Variants in C5orf63 observed in about 807,000 individuals in gnomAD.
The protein encoded by C5orf63 is chromosome 5 open reading frame 63.
Under a neutral mutation model 13.3 loss-of-function variants are expected in C5orf63, and 18 were observed. The observed-to-expected ratio is 1.36, with a 90% CI of 0.94 to 2.01. The LOEUF (loss-of-function observed/expected upper bound fraction) is 2.01, where lower values mean the gene tolerates loss of function less well. Ranked by LOEUF, C5orf63 falls within the 30% of genes most tolerant of loss-of-function variation. The probability of loss-of-function intolerance (pLI) is 0.00; values close to 1 mark genes in which losing one functional copy is unlikely to be tolerated. For synonymous variants in C5orf63, 38 were observed against 44.7 expected (o/e 0.85, Z 0.60); for missense variants, 118 against 127.7 (o/e 0.92, Z 0.36).
At chr5:127,051,128 G>T (rs562062932), downstream of C5orf63, among the ~76,000 whole-genome samples, 1 of 152,296 alleles carries the variant, frequency 6.6e-6, no homozygotes, top group East Asian at 1.9e-4. Context: ...TGAATTCAAT[G>T]ACTGTGTAGA....
At chr5:127,045,788 T>A (rs1753508891) in exon 5 of C5orf63, 1 of 152,258 alleles carries the variant, frequency 6.6e-6, no homozygotes, top group South Asian at 2.1e-4. Flanking sequence ...GATATCTTTA[T>A]TGTCTGTCTC....
At chr5:127,046,769 G>A (rs979510649), downstream of C5orf63, 1 of 152,238 alleles carries the variant, frequency 6.6e-6, no homozygotes, top group African/African-American at 2.4e-5. Context: ...GAATAGAGAA[G>A]CCTGAGAGGC....
intron 3 of C5orf63, among the ~76,000 whole-genome samples, chr5:127,056,918 T>G (rs891643051): frequency 3.9e-5 from 6 of 152,252 alleles, no homozygotes; most frequent in African/African-American, 1.4e-4. Flanking sequence ...CATCTTCTTG[T>G]GTGCCTAATG....
intron 3 of C5orf63, 111 bp downstream of exon 3, chr5:127,058,771 G>A (rs909791278): frequency 3.0e-6 from 2 of 664,468 alleles, no homozygotes; most frequent in Non-Finnish European, 5.1e-6. Flanking sequence ...TAGAAAAATT[G>A]AAGAGCAGGT....
chr5:127,059,728 CAAAAAAAA>C (rs58498141), intron 2 of C5orf63, among the ~76,000 whole-genome samples: 1 of 99,236 alleles, frequency 1.0e-5, no homozygotes, highest in Non-Finnish European at 2.1e-5. Context: ...GATCTTATCT[CAAAAAAAA>C]AAAAAAAGAA....
chr5:127,061,751 G>T (rs1007523364), intron 2 of C5orf63, among the ~76,000 whole-genome samples: 1 of 152,140 alleles, frequency 6.6e-6, no homozygotes, highest in Non-Finnish European at 1.5e-5. Context: ...GTTTACTCTA[G>T]GTAGAAACTT....
Position 127,063,007 on chromosome 5 carries a change from T to TA in C5orf63, c.-7-4006dup, listed in dbSNP as rs199741442. Among the ~76,000 whole-genome samples, 269 of 118,028 alleles carry TA rather than the reference T, an allele frequency of 2.3e-3. 1 individual carries two copies. The highest frequency in any genetic ancestry group is 4.3e-3 in the Middle Eastern group (1 of 232). 77.4% of individuals were successfully genotyped at this position (118,028 alleles called of 152,430 possible). A position where few individuals can be genotyped will look rare whatever the true frequency, so the allele number is the denominator to read the frequency against. ...AATTGGGTCACCTTTGTCACAGACT[T>TA]AAAAAAAAAAAAGCAAAAAACATAA... On this transcript the variant is annotated intron_variant, in intron 2 of 4. Coordinates refer to ENST00000296662, the MANE Select transcript of C5orf63 (RefSeq NM_001164478.2).
chr5:127,053,126 C>G (rs571527740), intron 3 of C5orf63, among the ~76,000 whole-genome samples: 1 of 152,248 alleles, frequency 6.6e-6, no homozygotes, highest in African/African-American at 2.4e-5. Context: ...CAGGAAGAAA[C>G]CCATTAGGAT....
intron 3 of C5orf63, among the ~76,000 whole-genome samples, chr5:127,057,820 G>A (rs1444640479): frequency 1.3e-5 from 2 of 152,088 alleles, no homozygotes; most frequent in Non-Finnish European, 1.5e-5. Flanking sequence ...TTGCATTTTT[G>A]TGCTTTTTAT....
At chr5:127,048,621 A>G (rs1580522158), downstream of C5orf63, among the ~76,000 whole-genome samples, 2 of 152,176 alleles carry the variant, frequency 1.3e-5, no homozygotes, top group Middle Eastern at 6.8e-3. Flanking sequence ...TGTAGCATCT[A>G]TTGTTTCTTA....
At chr5:127,050,120 G>A (rs1413434626), downstream of C5orf63, among the ~76,000 whole-genome samples, 1 of 151,938 alleles carries the variant, frequency 6.6e-6, no homozygotes, top group African/African-American at 2.4e-5. Context: ...GTTACGTCAG[G>A]CCCAGCCAGG....
rs551358647 is a variant in C5orf63 at position 127,059,911 on chromosome 5, C to T, written c.-7-909G>A. On this transcript the variant is annotated intron_variant, in intron 2 of 4. Transcript: ENST00000296662. ...CTGTAATCCCAGCACTTTGGGAGGC[C>T]AAGGCATCACCTGGGGTCGGGAGTT... Among the ~76,000 whole-genome samples the T allele has an allele frequency of 2.0e-4, 31 of 151,952 alleles. 1 individual carries two copies. The South Asian group carries it at 6.2e-3, about 31-fold the overall frequency.
At chr5:127,059,882 A>T (rs898601768) in intron 2 of C5orf63, among the ~76,000 whole-genome samples, 1 of 152,156 alleles carries the variant, frequency 6.6e-6, no homozygotes, top group Admixed American at 6.5e-5. Flanking sequence ...GTGGTGGCTC[A>T]CGCCTGTAAT....
intron 3 of C5orf63, among the ~76,000 whole-genome samples, chr5:127,053,883 G>A (rs1031247737): frequency 3.3e-5 from 5 of 152,082 alleles, no homozygotes; most frequent in Admixed American, 6.5e-5. Context: ...GAACAGTGTC[G>A]CAATAAACAT....
chr5:127,045,950 C>T (rs1388317430), exon 5 of C5orf63: 1 of 152,176 alleles, frequency 6.6e-6, no homozygotes, highest in Non-Finnish European at 1.5e-5. Flanking sequence ...CTAGTTCCAC[C>T]ACCACTCTCT....
At chr5:127,059,929 C>T (rs1186594794) in intron 2 of C5orf63, among the ~76,000 whole-genome samples, 2 of 151,808 alleles carry the variant, frequency 1.3e-5, no homozygotes, top group African/African-American at 4.8e-5. Context: ...CACCTGGGGT[C>T]GGGAGTTTGA....
In C5orf63 at chr5:127,051,932, C is replaced by T. The variant is rs1362522811; in HGVS notation, c.187G>A (p.Val63Met). The T allele has an allele frequency of 2.7e-6, 4 of 1,509,334 alleles. No individual in the cohort carries two copies. Among genetic ancestry groups the T allele is most frequent in the African/African-American group, 1.4e-5 (1 of 71,952 alleles). The allele number at this position is 1,509,334 out of a possible 1,614,324, so 93.5% of individuals were successfully genotyped here. ...PYENRFILQE[V>M]NITLPENSVW... ...GAGTTTTCTGGAAGTGTGATGTTCA[C>T]CTCCTGTAAAATGAACTGAAACAGA... Residue 63 changes from valine (V) to methionine (M), a missense_variant, in exon 5 of 5, where the codon GTG (valine) becomes ATG (methionine). Coordinates refer to ENST00000296662, the MANE Select transcript of C5orf63 (RefSeq NM_001164478.2).
At chr5:127,055,027 G>A (rs1407736427) in intron 3 of C5orf63, among the ~76,000 whole-genome samples, 3 of 152,156 alleles carry the variant, frequency 2.0e-5, no homozygotes, top group Non-Finnish European at 4.4e-5. Context: ...TGTCAGGTTT[G>A]TCAAAGATCA....
At chr5:127,058,184 C>T (rs1004281518) in intron 3 of C5orf63, among the ~76,000 whole-genome samples, 5 of 152,032 alleles carry the variant, frequency 3.3e-5, no homozygotes, top group African/African-American at 1.2e-4. Context: ...GGTAGTTTTT[C>T]GATTCTCACC....
Sources: gnomAD v4.1 joint callset for allele counts (sites outside exome capture counted in the v4.1 genomes callset) on GRCh38, gnomAD v4.1.1 for gene constraint, MANE v1.5 for transcripts, NCBI Gene and HGNC (gene_info 2026-07-23, HGNC 2026-07-21) for gene names.